Variants in NEDD4 observed in about 807,000 individuals in gnomAD.
NEDD4 encodes the protein E3 ubiquitin-protein ligase NEDD4.
NEDD4 carries 99 observed loss-of-function variants against 144.9 expected under a neutral mutation model. The ratio of observed to expected loss-of-function variants is 0.68; its 90% confidence interval spans 0.58 to 0.81. The LOEUF is 0.81. Among genes scored for constraint, NEDD4 ranks in the 30% least tolerant of loss-of-function variants. The pLI, the probability that NEDD4 is intolerant of heterozygous loss-of-function variation, is 0.00. For missense variants in NEDD4, 985 were observed against 1,065.9 expected, an observed-to-expected ratio of 0.92 and a Z score of 1.06; for synonymous variants, 318 against 350.6, an observed-to-expected ratio of 0.91 and a Z score of 1.04.
At chr15:55,919,033 T>A (rs1448500284) in intron 5 of NEDD4, among the ~76,000 whole-genome samples, 1 of 152,178 alleles carries the variant, frequency 6.6e-6, no homozygotes, top group Non-Finnish European at 1.5e-5. Flanking sequence ...TATTAACATA[T>A]AAAATAATGA....
intron 1 of NEDD4, among the ~76,000 whole-genome samples, chr15:55,991,519 T>C (rs890246298): frequency 6.6e-6 from 1 of 152,240 alleles, no homozygotes; most frequent in Non-Finnish European, 1.5e-5. Context: ...GTCTGTTGAA[T>C]GAATAATCCA....
chr15:55,933,000 G>C (rs147040338), intron 4 of NEDD4, among the ~76,000 whole-genome samples: 3,160 of 152,286 alleles, frequency 0.021, 101 homozygotes, highest in African/African-American at 0.072. Context: ...ACACCAGTTA[G>C]AATGGCGATC....
In NEDD4 at chr15:55,834,293, A is replaced by G. The variant is rs771347618; in HGVS notation, c.2263-7T>C. 1 of 1,593,288 alleles carries G rather than the reference A, an allele frequency of 6.3e-7. No homozygotes were observed. The highest frequency in any genetic ancestry group is 2.2e-5 in the East Asian group (1 of 44,750). ...GTATTAGTTCAAAGAATCCCTAGAA[A>G]AAAGATGTATTTAAAAACTTGATGG... On this transcript the variant is annotated splice_polypyrimidine_tract_variant and splice_region_variant and intron_variant, in intron 24 of 28. Transcript: ENST00000435532.
intron 9 of NEDD4, among the ~76,000 whole-genome samples, chr15:55,861,363 A>G (rs1192640949): frequency 6.6e-6 from 1 of 152,176 alleles, no homozygotes. Context: ...CCTGTCCTGA[A>G]AAAGGTAATA....
At chr15:55,831,214 C>T (rs559972876) in intron 27 of NEDD4, among the ~76,000 whole-genome samples, 1 of 152,300 alleles carries the variant, frequency 6.6e-6, no homozygotes, top group African/African-American at 2.4e-5. Context: ...GCTACCGCAC[C>T]CAGCCGCCTT....
At chr15:55,853,043 G>A (rs1457344614) in intron 12 of NEDD4, among the ~76,000 whole-genome samples, 3 of 152,106 alleles carry the variant, frequency 2.0e-5, no homozygotes. Flanking sequence ...GAGCCACTGT[G>A]CCTGGCCAGA....
At chr15:55,962,497 G>A (rs2037442715) in intron 2 of NEDD4, among the ~76,000 whole-genome samples, 2 of 152,182 alleles carry the variant, frequency 1.3e-5, no homozygotes, top group South Asian at 2.1e-4. Flanking sequence ...AGGCTGAAGT[G>A]CAGTGGCATA....
intron 5 of NEDD4, among the ~76,000 whole-genome samples, chr15:55,906,343 T>C (rs2142174458): frequency 6.6e-6 from 1 of 152,286 alleles, no homozygotes; most frequent in African/African-American, 2.4e-5. Flanking sequence ...GTATGTTTAT[T>C]GCAGCACTAT....
intron 2 of NEDD4, among the ~76,000 whole-genome samples, chr15:55,959,068 T>G (rs565898878): frequency 6.6e-6 from 1 of 151,540 alleles, no homozygotes; most frequent in East Asian, 1.9e-4. Flanking sequence ...ATTTTAGAAT[T>G]CATTCGCTCT....
chr15:55,903,914 C>G (rs1205202097), intron 5 of NEDD4, among the ~76,000 whole-genome samples: 1 of 150,644 alleles, frequency 6.6e-6, no homozygotes, highest in Non-Finnish European at 1.5e-5. Context: ...AATCCCAGCA[C>G]TTTGTGAGGG....
Position 55,840,518 on chromosome 15 carries a change from C to T in NEDD4, c.1961-1G>A, listed in dbSNP as rs2033454975. On this transcript the variant is annotated splice_acceptor_variant, in intron 20 of 28. Transcript: ENST00000435532. LOFTEE classifies it high-confidence loss of function. ...TTGTAAAATGGGCGGATGAAAAAAC[C>T]TTGCAAAAAACCAAATACATTTAGG... 19 of 1,613,668 alleles carry T rather than the reference C, an allele frequency of 1.2e-5. No homozygotes were observed. The highest frequency in any genetic ancestry group is 1.6e-5 in the Non-Finnish European group (19 of 1,179,882).
chr15:55,934,686 G>C (rs1255302315), intron 4 of NEDD4: 1 of 151,634 alleles, frequency 6.6e-6, no homozygotes, highest in African/African-American at 2.4e-5. Flanking sequence ...ATAAATCTCT[G>C]TCTTACCTTT....
At chr15:55,883,225 G>A (rs76627205) in intron 5 of NEDD4, among the ~76,000 whole-genome samples, 3,198 of 152,302 alleles carry the variant, frequency 0.021, 49 homozygotes, top group Non-Finnish European at 0.034. Context: ...CTGGGGCCTT[G>A]AGTGAACACT....
intron 13 of NEDD4, among the ~76,000 whole-genome samples, chr15:55,851,953 T>G (rs1445715552): frequency 6.6e-6 from 1 of 152,146 alleles, no homozygotes; most frequent in Non-Finnish European, 1.5e-5. Context: ...TATTAGAGAT[T>G]CATAGGAAAA....
intron 5 of NEDD4, among the ~76,000 whole-genome samples, chr15:55,922,295 A>G (rs1206357680): frequency 6.6e-6 from 1 of 152,268 alleles, no homozygotes; most frequent in Non-Finnish European, 1.5e-5. Flanking sequence ...GCAAAAAAGC[A>G]TATCAGAGGA....
intron 2 of NEDD4, among the ~76,000 whole-genome samples, chr15:55,963,464 C>G (rs1455043317): frequency 2.0e-5 from 3 of 152,056 alleles, no homozygotes; most frequent in Non-Finnish European, 4.4e-5. Flanking sequence ...ATTGGTTTCT[C>G]TGGATATTAC....
At chr15:55,920,211 CATA>C (rs1226478690) in intron 5 of NEDD4, among the ~76,000 whole-genome samples, 2 of 150,806 alleles carry the variant, frequency 1.3e-5, no homozygotes, top group African/African-American at 4.9e-5. Flanking sequence ...ATATATTATA[CATA>C]ATTTCATATA....
At chr15:55,985,956 G>T (rs1228422216) in intron 1 of NEDD4, among the ~76,000 whole-genome samples, 1 of 152,186 alleles carries the variant, frequency 6.6e-6, no homozygotes. Context: ...GAGAAGCCTG[G>T]AACAACTTCT....
At chr15:55,848,615 G>A (rs766775624) in intron 15 of NEDD4, 40 bp from the exon 16 acceptor site, 18 of 1,555,252 alleles carry the variant, frequency 1.2e-5, no homozygotes, top group South Asian at 2.2e-5. Flanking sequence ...TAGGAGAGGG[G>A]CGTAGATGAA....
Sources: gnomAD v4.1 joint callset for allele counts (sites outside exome capture counted in the v4.1 genomes callset) on GRCh38, gnomAD v4.1.1 for gene constraint, MANE v1.5 for transcripts, NCBI Gene and HGNC (gene_info 2026-07-23, HGNC 2026-07-21) for gene names.